Variants in ADK observed in about 807,000 individuals in gnomAD.
The protein encoded by ADK is adenosine kinase, also known as N6,N6-dimethyladenosine kinase.
A neutral mutation model predicts 44.7 loss-of-function variants in ADK; 24 were observed. That is an observed-to-expected ratio of 0.54 (90% CI 0.39 to 0.76). The LOEUF (loss-of-function observed/expected upper bound fraction) is 0.76. Ranked by LOEUF, ADK falls within the 30% of genes least tolerant of loss-of-function variation. The pLI, the probability that ADK is intolerant of heterozygous loss-of-function variation, is 0.00. For missense variants in ADK, 321 were observed against 425.1 expected, an observed-to-expected ratio of 0.76 and a Z score of 2.15; for synonymous variants, 128 against 142.6, an observed-to-expected ratio of 0.90 and a Z score of 0.73.
rs150803839 is a variant in ADK at position 74,426,688 on chromosome 10, G to A, written c.555+28109G>A. Among the ~76,000 whole-genome samples, 17 of 152,260 alleles carry A rather than the reference G, an allele frequency of 1.1e-4. No individual in the cohort carries two copies. In the East Asian group the frequency reaches 3.1e-3, roughly 28 times the overall value. On this transcript the variant is annotated intron_variant, in intron 6 of 10. Transcript: ENST00000539909. Reference sequence around the variant, plus strand: ...CTTGGCATAGTTTCAACTTTTGAAAGCATGTTAATGTCCAACATATTCAAA... The same window carrying A: ...CTTGGCATAGTTTCAACTTTTGAAAACATGTTAATGTCCAACATATTCAAA...
At chr10:74,189,109 T>C (rs1211233922) in intron 1 of ADK, among the ~76,000 whole-genome samples, 3 of 152,170 alleles carry the variant, frequency 2.0e-5, no homozygotes, top group Non-Finnish European at 2.9e-5. Flanking sequence ...CATTCTAATG[T>C]ACATTTCTTA....
At chr10:74,272,124 C>T (rs979337964) in intron 3 of ADK, among the ~76,000 whole-genome samples, 1 of 152,048 alleles carries the variant, frequency 6.6e-6, no homozygotes, top group Non-Finnish European at 1.5e-5. Flanking sequence ...ATATATTTTG[C>T]ATTACTTAAT....
intron 1 of ADK, among the ~76,000 whole-genome samples, chr10:74,172,503 A>G (rs1842192144): frequency 6.6e-6 from 1 of 152,024 alleles, no homozygotes; most frequent in Non-Finnish European, 1.5e-5. Context: ...AGCCTGACCA[A>G]CATGGAGAAA....
chr10:74,183,181 T>G (rs1842625538), intron 1 of ADK, among the ~76,000 whole-genome samples: 1 of 152,182 alleles, frequency 6.6e-6, no homozygotes, highest in Non-Finnish European at 1.5e-5. Context: ...GTGATCCACC[T>G]GCTTTGACCT....
intron 4 of ADK, among the ~76,000 whole-genome samples, chr10:74,315,124 C>T (rs918327705): frequency 3.9e-5 from 6 of 152,016 alleles, no homozygotes; most frequent in African/African-American, 1.4e-4. Context: ...GTGTCTTTTA[C>T]TGTGCCTTAG....
intron 8 of ADK, among the ~76,000 whole-genome samples, chr10:74,589,581 C>T (rs554673180): frequency 6.6e-5 from 10 of 152,222 alleles, no homozygotes; most frequent in African/African-American, 2.4e-4. Context: ...AGGTTGGGCA[C>T]GGTTTCAAGC....
At chr10:74,489,059 T>C (rs534626158) in intron 6 of ADK, among the ~76,000 whole-genome samples, 5 of 152,080 alleles carry the variant, frequency 3.3e-5, no homozygotes, top group Non-Finnish European at 7.4e-5. Flanking sequence ...CTAAAAATTA[T>C]ACCTACTTAT....
chr10:74,455,286 T>C (rs971329059), intron 6 of ADK, among the ~76,000 whole-genome samples: 7 of 152,004 alleles, frequency 4.6e-5, no homozygotes, highest in African/African-American at 1.5e-4. Context: ...GGAGGATCAC[T>C]TGGAGCCAGG....
At chr10:74,160,637 C>T (rs377626291) in intron 1 of ADK, among the ~76,000 whole-genome samples, 11 of 151,680 alleles carry the variant, frequency 7.3e-5, no homozygotes, top group South Asian at 4.2e-4. Flanking sequence ...ACTGTCTGCC[C>T]GTCTGTTGTG....
At chr10:74,315,711 C>T (rs1840595403) in intron 4 of ADK, among the ~76,000 whole-genome samples, 1 of 152,118 alleles carries the variant, frequency 6.6e-6, no homozygotes, top group African/African-American at 2.4e-5. Context: ...CAAATAAAAT[C>T]CAGAATGATT....
intron 6 of ADK, among the ~76,000 whole-genome samples, chr10:74,496,380 G>A (rs1400107604): frequency 6.6e-6 from 1 of 152,172 alleles, no homozygotes; most frequent in East Asian, 1.9e-4. Context: ...CCTCCATGCT[G>A]TTCTCATGAT....
At chr10:74,451,956 T>C (rs1024820336) in intron 6 of ADK, among the ~76,000 whole-genome samples, 2 of 151,974 alleles carry the variant, frequency 1.3e-5, no homozygotes, top group Non-Finnish European at 2.9e-5. Context: ...AGTGGATACA[T>C]TGATGAAACA....
intron 7 of ADK, among the ~76,000 whole-genome samples, chr10:74,531,610 T>G (rs921032915): frequency 2.0e-5 from 3 of 152,182 alleles, no homozygotes; most frequent in African/African-American, 7.2e-5. Context: ...CATGTCTCAC[T>G]GCAAGCTCAA....
intron 7 of ADK, among the ~76,000 whole-genome samples, chr10:74,566,218 T>C (rs2133834415): frequency 6.8e-6 from 1 of 146,714 alleles, no homozygotes; most frequent in African/African-American, 2.5e-5. Flanking sequence ...TTTTTTTTTT[T>C]TTTTTGTGGA....
intron 6 of ADK, among the ~76,000 whole-genome samples, chr10:74,509,813 A>C (rs764449263): frequency 6.6e-6 from 1 of 151,996 alleles, no homozygotes; most frequent in Non-Finnish European, 1.5e-5. Flanking sequence ...TTTATCTTCT[A>C]CTTATGAGTG....
intron 6 of ADK, among the ~76,000 whole-genome samples, chr10:74,402,434 C>T (rs373288516): frequency 1.3e-5 from 2 of 152,076 alleles, no homozygotes; most frequent in Non-Finnish European, 2.9e-5. Flanking sequence ...AGGCTTTGTG[C>T]GTTTCTTTTT....
At chr10:74,295,977 A>C (rs180746136) in intron 3 of ADK, among the ~76,000 whole-genome samples, 2 of 151,364 alleles carry the variant, frequency 1.3e-5, no homozygotes, top group East Asian at 3.9e-4. Context: ...GAGTTCATCA[A>C]TTTTATTAGC....
chr10:74,416,196 T>C (rs1351927016), intron 6 of ADK, among the ~76,000 whole-genome samples: 2 of 151,820 alleles, frequency 1.3e-5, no homozygotes, highest in East Asian at 3.9e-4. Flanking sequence ...TATGAAAAAA[T>C]GAGAGGACAA....
At chr10:74,513,744 A>G (rs572301786) in intron 6 of ADK, among the ~76,000 whole-genome samples, 62 of 152,278 alleles carry the variant, frequency 4.1e-4, no homozygotes, top group African/African-American at 1.4e-3. Context: ...TATTATTGAT[A>G]GGTGAGGACT....
Sources: gnomAD v4.1 joint callset for allele counts (sites outside exome capture counted in the v4.1 genomes callset) on GRCh38, gnomAD v4.1.1 for gene constraint, MANE v1.5 for transcripts, NCBI Gene and HGNC (gene_info 2026-07-23, HGNC 2026-07-21) for gene names.